DYDC2: variants seen among roughly 807,000 people sequenced by gnomAD.
DYDC2 encodes DPY30 domain containing 2, also known as DPY30 domain-containing protein 2.
A neutral mutation model predicts 18.7 loss-of-function variants in DYDC2; 19 were observed. The ratio of observed to expected loss-of-function variants is 1.02; its 90% CI spans 0.71 to 1.49. DYDC2 has a LOEUF of 1.49. Among genes scored for constraint, DYDC2 ranks in the 40% most tolerant of loss-of-function variants. The probability of loss-of-function intolerance (pLI) is 0.00; values close to 1 mark genes in which losing one functional copy is unlikely to be tolerated. For synonymous variants in DYDC2, 63 were observed against 67.6 expected (o/e 0.93, Z 0.34); for missense variants, 179 against 205.1 (o/e 0.87, Z 0.78).
At chr10:80,358,464 C>A (rs528072701) in intron 2 of DYDC2, among the ~76,000 whole-genome samples, 1 of 152,280 alleles carries the variant, frequency 6.6e-6, no homozygotes, top group South Asian at 2.1e-4. Flanking sequence ...TGTCTTTGTA[C>A]CATATTTTAG....
intron 1 of DYDC2, among the ~76,000 whole-genome samples, chr10:80,357,527 G>A (rs1564670624): frequency 2.0e-5 from 3 of 152,140 alleles, no homozygotes; most frequent in East Asian, 3.9e-4. Flanking sequence ...ACCTTCCAGA[G>A]TCCCTGGAAG....
chr10:80,364,630 G>A (rs1248612434), intron 4 of DYDC2, among the ~76,000 whole-genome samples: 3 of 152,306 alleles, frequency 2.0e-5, no homozygotes, highest in South Asian at 2.1e-4. Context: ...TAAGTAAATG[G>A]TATGTCATTC....
upstream of DYDC2, chr10:80,351,806 A>C (rs1842998337): frequency 9.2e-7 from 1 of 1,085,066 alleles, no homozygotes; most frequent in Non-Finnish European, 1.4e-6. Context: ...TATCTAAATA[A>C]CTGGAGCTGG....
At chr10:80,351,974 C>T (rs776942813), upstream of DYDC2, 25 of 1,614,124 alleles carry the variant, frequency 1.5e-5, no homozygotes, top group South Asian at 2.2e-5. Context: ...TTCTCTTTCA[C>T]GCTCCAGCTT....
chr10:80,366,560 TA>T, intron 4 of DYDC2, 127 bp from the exon 5 acceptor site: 1 of 1,149,080 alleles, frequency 8.7e-7, no homozygotes, highest in Non-Finnish European at 1.2e-6. Context: ...TATGCTTTGT[TA>T]AAGCAGGGCT....
chr10:80,351,985 G>A (rs1843013416), upstream of DYDC2: 5 of 1,614,008 alleles, frequency 3.1e-6, no homozygotes, highest in Non-Finnish European at 4.2e-6. Context: ...GCTCCAGCTT[G>A]GCCATTTCCT....
At chr10:80,361,152 C>T (rs1197931941) in intron 2 of DYDC2, among the ~76,000 whole-genome samples, 1 of 151,754 alleles carries the variant, frequency 6.6e-6, no homozygotes, top group Non-Finnish European at 1.5e-5. Flanking sequence ...CTCCTTTGAT[C>T]TATAACAGTT....
intron 2 of DYDC2, among the ~76,000 whole-genome samples, chr10:80,359,416 A>T (rs10160056): frequency 2.0e-5 from 3 of 152,080 alleles, no homozygotes; most frequent in East Asian, 1.9e-4. Flanking sequence ...CACTAGACTC[A>T]GGAGCCCAAA....
chr10:80,344,931 T>A (rs1457013463), intron 1 of DYDC2: 1 of 154,428 alleles, frequency 6.5e-6, no homozygotes, highest in East Asian at 1.9e-4. Context: ...ATTTTCAAAG[T>A]CGTGTAGAAA....
intron 1 of DYDC2, among the ~76,000 whole-genome samples, 192 bp from the exon 2 acceptor site, chr10:80,357,701 T>A (rs1843474243): frequency 6.6e-6 from 1 of 152,152 alleles, no homozygotes; most frequent in African/African-American, 2.4e-5. Context: ...TTCCCTGGCC[T>A]AGTCGTCTGT....
chr10:80,359,686 C>G lies in DYDC2; in HGVS notation c.-10+1641C>G, dbSNP rs115835099. Among the ~76,000 whole-genome samples the G allele has an allele frequency of 3.0e-3, 452 of 152,282 alleles. 3 individuals carry two copies. The highest frequency in any genetic ancestry group is 0.01 in the African/African-American group (431 of 41,574). On this transcript the variant is annotated intron_variant, in intron 2 of 4. Transcript: ENST00000256039. Reference sequence around the variant, plus strand: ...AGAATTCGAGCAAAGTGCTGGCAGGCCGGCACTGCTGGGGGACCCAGCACA... The same window carrying G: ...AGAATTCGAGCAAAGTGCTGGCAGGGCGGCACTGCTGGGGGACCCAGCACA...
At chr10:80,347,324 C>CTTATATAT (rs1842728155) in intron 1 of DYDC2, among the ~76,000 whole-genome samples, 1 of 46,452 alleles carries the variant, frequency 2.2e-5, no homozygotes, top group African/African-American at 9.6e-5. Flanking sequence ...GTTTGCATTC[C>CTTATATAT]TTATATATTT....
chr10:80,357,516 G>A (rs185867046), intron 1 of DYDC2, among the ~76,000 whole-genome samples: 1 of 152,236 alleles, frequency 6.6e-6, no homozygotes, highest in East Asian at 1.9e-4. Flanking sequence ...AAGGGTGGAA[G>A]ACCTTCCAGA....
Position 80,366,950 on chromosome 10 carries a change from A to G in DYDC2, c.533A>G (p.Ter178TrpextTer8), listed in dbSNP as rs1200464605. ...EMPPGSKSPF* is the reference protein window; with the variant it reads ...EMPPGSKSPFW The stretch of plus-strand genomic sequence containing the variant: ...CCTCCTGGCTCCAAATCTCCTTTTT[A>G]GGTTACAGAAGGTAGATGCTTCTGA... The change falls in exon 5 of 5, where the codon TAG becomes TGG. Residue 178 changes from the stop codon to tryptophan, a stop_lost. Transcript: ENST00000256039. 2 of 1,609,022 alleles carry G rather than the reference A, an allele frequency of 1.2e-6. No homozygotes were observed. Among genetic ancestry groups the G allele is most frequent in the Admixed American group, 3.4e-5 (2 of 59,014 alleles).
chr10:80,358,894 C>T (rs547362161), intron 2 of DYDC2, among the ~76,000 whole-genome samples: 2 of 152,282 alleles, frequency 1.3e-5, no homozygotes, highest in African/African-American at 2.4e-5. Flanking sequence ...GAGTTTCTTC[C>T]TTCTGGTGGG....
rs1843860062 is a variant in DYDC2, at chr10:80,367,032, G to C, written c.*81G>C. On this transcript the variant is annotated 3_prime_UTR_variant, in exon 5 of 5. Coordinates refer to ENST00000256039, the MANE Select transcript of DYDC2 (RefSeq NM_032372.6). Reference sequence around the variant, plus strand: ...ATGGCCAGCTAGAACCAAGATTTAAGGGGCTGTAAAAGGCAAGTTCAGGGA... The same window carrying C: ...ATGGCCAGCTAGAACCAAGATTTAACGGGCTGTAAAAGGCAAGTTCAGGGA... The C allele has an allele frequency of 6.6e-7, 1 of 1,520,582 alleles. No homozygotes were observed. The highest frequency in any genetic ancestry group is 8.8e-7 in the Non-Finnish European group (1 of 1,139,850). The allele number at this position is 1,520,582 out of a possible 1,614,324, so 94.2% of individuals were successfully genotyped here. A position where few individuals can be genotyped will look rare whatever the true frequency, so the allele number is the denominator to read the frequency against.
intron 1 of DYDC2, among the ~76,000 whole-genome samples, chr10:80,348,652 A>C (rs1842804176): frequency 6.6e-6 from 1 of 152,242 alleles, no homozygotes; most frequent in South Asian, 2.1e-4. Context: ...AATCCATTTA[A>C]CTATGCAATT....
At chr10:80,352,523 C>T (rs147367624), upstream of DYDC2, 272 of 1,613,666 alleles carry the variant, frequency 1.7e-4, no homozygotes, top group Middle Eastern at 1.3e-3. Context: ...ATCGGATCCA[C>T]TGGGCGAACT....
chr10:80,358,922 G>C (rs755274878), intron 2 of DYDC2, among the ~76,000 whole-genome samples: 1 of 152,188 alleles, frequency 6.6e-6, no homozygotes, highest in Non-Finnish European at 1.5e-5. Context: ...TCTCCCTTCA[G>C]AAGTGAAGCT....
Sources: gnomAD v4.1 joint callset for allele counts (sites outside exome capture counted in the v4.1 genomes callset) on GRCh38, gnomAD v4.1.1 for gene constraint, MANE v1.5 for transcripts, NCBI Gene and HGNC (gene_info 2026-07-23, HGNC 2026-07-21) for gene names.